Variants in PCDH15 observed in about 807,000 individuals in gnomAD.
PCDH15 encodes the protein protocadherin related 15, also known as protocadherin-15.
A neutral mutation model predicts 178.5 loss-of-function variants in PCDH15; 129 were observed. The observed-to-expected ratio is 0.72, with a 90% confidence interval of 0.63 to 0.84. The LOEUF (loss-of-function observed/expected upper bound fraction) is 0.84, where lower values mean the gene tolerates loss of function less well. PCDH15 is among the 40% of genes least tolerant of loss of function. The probability of loss-of-function intolerance (pLI) is 0.00; values close to 1 mark genes in which losing one functional copy is unlikely to be tolerated. For missense variants in PCDH15, 2,230 were observed against 2,099.9 expected (o/e 1.06, Z -1.21); for synonymous variants, 800 against 732.0 (o/e 1.09, Z -1.50).
chr10:54,932,091 T>C (rs1450315785), intron 2 of PCDH15, among the ~76,000 whole-genome samples: 3 of 152,240 alleles, frequency 2.0e-5, no homozygotes, highest in African/African-American at 7.2e-5. Context: ...TAGTATTTAC[T>C]ACAGCATACT....
At chr10:55,174,879 A>G (rs1181539291) in intron 1 of PCDH15, among the ~76,000 whole-genome samples, 2 of 152,184 alleles carry the variant, frequency 1.3e-5, no homozygotes, top group East Asian at 1.9e-4. Context: ...CTTAAGACAA[A>G]TTAAGGGGGA....
At chr10:54,515,790 G>A (rs1258545560) in intron 3 of PCDH15, among the ~76,000 whole-genome samples, 1 of 152,180 alleles carries the variant, frequency 6.6e-6, no homozygotes, top group Non-Finnish European at 1.5e-5. Context: ...AACTTCCAGA[G>A]GACCCATCAG....
At chr10:54,856,819 A>T (rs11004603) in intron 3 of PCDH15, among the ~76,000 whole-genome samples, 10,199 of 152,236 alleles carry the variant, frequency 0.067, 450 homozygotes, top group African/African-American at 0.12. Flanking sequence ...GGACTATGTT[A>T]CCACCTCTAG....
intron 1 of PCDH15, among the ~76,000 whole-genome samples, chr10:55,297,173 GA>G (rs971967977): frequency 1.3e-5 from 2 of 150,974 alleles, no homozygotes; most frequent in Non-Finnish European, 3.0e-5. Flanking sequence ...CAGTATGTTA[GA>G]AAAAAAATAC....
chr10:54,052,751 A>G (rs1023218940), intron 18 of PCDH15, among the ~76,000 whole-genome samples: 11 of 152,010 alleles, frequency 7.2e-5, no homozygotes, highest in African/African-American at 2.4e-4. Context: ...GGGCAGAATG[A>G]TATGGTTTAG....
chr10:54,464,923 T>C lies in PCDH15; in HGVS notation c.157+62889A>G, dbSNP rs967520389. Among the ~76,000 whole-genome samples, 15 of 152,292 alleles carry C rather than the reference T, an allele frequency of 9.8e-5. No homozygotes were observed. In the East Asian group the frequency reaches 2.9e-3, roughly 29 times the overall value. On this transcript the variant is annotated intron_variant, in intron 3 of 37. Coordinates refer to ENST00000644397, the MANE Select transcript of PCDH15 (RefSeq NM_001384140.1). ...GAGGGCCTAAATTTAGTGTTGGAGA[T>C]TGAGGTTATGATACAAGGTTTACAG...
At chr10:54,536,638 C>T (rs192943997) in intron 2 of PCDH15, among the ~76,000 whole-genome samples, 11 of 152,092 alleles carry the variant, frequency 7.2e-5, no homozygotes, top group Non-Finnish European at 1.3e-4. Context: ...AATACTTGTC[C>T]CTCTTCCACC....
intron 1 of PCDH15, among the ~76,000 whole-genome samples, chr10:54,705,631 T>G (rs2095358198): frequency 6.6e-6 from 1 of 152,166 alleles, no homozygotes; most frequent in Admixed American, 6.5e-5. Flanking sequence ...ATACCATGAG[T>G]TGTTCTACAA....
intron 1 of PCDH15, among the ~76,000 whole-genome samples, chr10:55,273,710 C>T (rs932490372): frequency 2.2e-4 from 33 of 151,708 alleles, no homozygotes; most frequent in African/African-American, 7.5e-4. Context: ...TATCAGTCAC[C>T]CAAATTTAAT....
At chr10:55,270,372 T>C (rs1842411227) in intron 1 of PCDH15, among the ~76,000 whole-genome samples, 1 of 151,874 alleles carries the variant, frequency 6.6e-6, no homozygotes, top group Non-Finnish European at 1.5e-5. Context: ...GGAGAAAATA[T>C]TCACAAACTA....
At chr10:55,271,367 A>G (rs745812288) in intron 1 of PCDH15, among the ~76,000 whole-genome samples, 5 of 152,070 alleles carry the variant, frequency 3.3e-5, no homozygotes, top group Non-Finnish European at 5.9e-5. Flanking sequence ...ACTTTTTGCC[A>G]TAGAGAAAAA....
At chr10:55,140,172 T>G (rs1013585499) in intron 2 of PCDH15, among the ~76,000 whole-genome samples, 9 of 152,084 alleles carry the variant, frequency 5.9e-5, no homozygotes, top group Admixed American at 3.3e-4. Context: ...TCTTTTCAAT[T>G]TTGTAGATTC....
intron 3 of PCDH15, among the ~76,000 whole-genome samples, chr10:54,526,791 A>G (rs1035844716): frequency 6.6e-6 from 1 of 152,194 alleles, no homozygotes; most frequent in Admixed American, 6.5e-5. Flanking sequence ...GGGAATATAC[A>G]TCTGCGTCAA....
chr10:54,605,349 C>G (rs1324512336), intron 2 of PCDH15, among the ~76,000 whole-genome samples: 2 of 151,918 alleles, frequency 1.3e-5, no homozygotes, highest in Non-Finnish European at 2.9e-5. Context: ...ACTCCCTCAG[C>G]TTTCGATTTT....
intron 1 of PCDH15, among the ~76,000 whole-genome samples, chr10:54,785,300 C>T (rs1950752513): frequency 6.6e-6 from 1 of 151,874 alleles, no homozygotes; most frequent in African/African-American, 2.4e-5. Context: ...TATTGTTCTA[C>T]CTAGCTGCAT....
chr10:54,252,175 A>G (rs1484990527), intron 8 of PCDH15, among the ~76,000 whole-genome samples: 1 of 152,114 alleles, frequency 6.6e-6, no homozygotes, highest in Non-Finnish European at 1.5e-5. Flanking sequence ...TTCTTACACT[A>G]GTCTTGGCAA....
chr10:55,287,020 T>C (rs1248735546), intron 1 of PCDH15, among the ~76,000 whole-genome samples: 1 of 152,016 alleles, frequency 6.6e-6, no homozygotes. Context: ...TCATTTATTT[T>C]ATATTTAGAA....
intron 16 of PCDH15, among the ~76,000 whole-genome samples, chr10:54,082,159 G>A (rs910646069): frequency 6.6e-6 from 1 of 152,098 alleles, no homozygotes; most frequent in Admixed American, 6.6e-5. Context: ...AACTGTGGGG[G>A]TCTATTCTAG....
At chr10:55,439,344 T>G (rs1413672) in intron 2 of PCDH15, among the ~76,000 whole-genome samples, 116,299 of 151,990 alleles carry the variant, frequency 0.77, 45,857 homozygotes, top group East Asian at 0.99. Flanking sequence ...ATCCACCTAA[T>G]CTGACCTTCA....
Sources: gnomAD v4.1 joint callset for allele counts (sites outside exome capture counted in the v4.1 genomes callset) on GRCh38, gnomAD v4.1.1 for gene constraint, MANE v1.5 for transcripts, NCBI Gene and HGNC (gene_info 2026-07-23, HGNC 2026-07-21) for gene names.